Variants in RGSL1 observed in about 807,000 individuals in gnomAD.
The protein encoded by RGSL1 is regulator of G protein signaling protein-like.
In RGSL1, 97 loss-of-function variants were observed where a neutral mutation model predicts 124.7. The observed-to-expected ratio is 0.78, with a 90% confidence interval of 0.66 to 0.92. The LOEUF is 0.92. Ranked by LOEUF, RGSL1 falls within the 40% of genes least tolerant of loss-of-function variation. RGSL1 has a pLI of 0.00. For synonymous variants in RGSL1, 424 were observed against 438.1 expected (o/e 0.97, Z 0.40); for missense variants, 1,233 against 1,288.4 (o/e 0.96, Z 0.66).
At chr1:182,535,371 G>A (rs1031950059) in intron 14 of RGSL1, among the ~76,000 whole-genome samples, 4 of 152,144 alleles carry the variant, frequency 2.6e-5, no homozygotes, top group African/African-American at 7.2e-5. Flanking sequence ...GCCAGAGTGT[G>A]TGTGTGTTTG....
intron 11 of RGSL1, among the ~76,000 whole-genome samples, chr1:182,529,631 A>G (rs550814133): frequency 1.3e-5 from 2 of 152,366 alleles, no homozygotes; most frequent in Non-Finnish European, 2.9e-5. Flanking sequence ...GTAAACCAAG[A>G]TAAGAAAATA....
chr1:182,488,839 A>T (rs1571553164), intron 7 of RGSL1, 141 bp from the exon 8 acceptor site: 1 of 635,796 alleles, frequency 1.6e-6, no homozygotes, highest in Non-Finnish European at 2.7e-6. Flanking sequence ...CATGTAAAGG[A>T]GCAATGGTTC....
At chr1:182,452,580 G>A (rs1651937823) in intron 1 of RGSL1, among the ~76,000 whole-genome samples, 1 of 151,650 alleles carries the variant, frequency 6.6e-6, no homozygotes, top group African/African-American at 2.4e-5. Context: ...AGCCTCCCAA[G>A]TAGTTGGGAT....
intron 4 of RGSL1, among the ~76,000 whole-genome samples, chr1:182,462,780 T>A (rs901301128): frequency 6.6e-6 from 1 of 152,176 alleles, no homozygotes; most frequent in African/African-American, 2.4e-5. Context: ...ATAAATCAAC[T>A]TAGAGTGTTA....
Position 182,453,867 on chromosome 1 carries a change from C to T in RGSL1, c.14-91C>T, listed in dbSNP as rs1012060122. ...CTGTCATCATGCTGAGATTTGGCAA[C>T]GTGAAATGATCCATTCGATTGCTTC... On this transcript the variant is annotated intron_variant, in intron 1 of 21. Coordinates refer to ENST00000294854, the MANE Select transcript of RGSL1 (RefSeq NM_001137669.2). 4.2e-5 allele frequency: 30 copies of T among 709,446 alleles called. No homozygotes were observed. The South Asian group carries it at 4.5e-4, about 11-fold the overall frequency. The allele number at this position is 709,446 out of a possible 1,614,324, so 43.9% of individuals were successfully genotyped here.
intron 17 of RGSL1, 43 bp from the exon 18 acceptor site, chr1:182,551,057 A>G: frequency 1.4e-6 from 2 of 1,393,284 alleles, no homozygotes; most frequent in South Asian, 1.2e-5. Flanking sequence ...AGCCCCCTCC[A>G]CTGGGGGTTC....
chr1:182,555,339 A>G (rs1404787233), intron 20 of RGSL1: 1 of 154,890 alleles, frequency 6.5e-6, no homozygotes, highest in Non-Finnish European at 1.4e-5. Flanking sequence ...ACTGTTTAGT[A>G]TTACATTGTG....
At chr1:182,488,404 A>T in intron 7 of RGSL1, 57 bp downstream of exon 7, 1 of 1,430,070 alleles carries the variant, frequency 7.0e-7, no homozygotes, top group Non-Finnish European at 9.7e-7. Context: ...AAGAAAGAGT[A>T]ATTACTGTTT....
At chr1:182,510,508 C>T (rs1479027909) in intron 9 of RGSL1, among the ~76,000 whole-genome samples, 1 of 56,136 alleles carries the variant, frequency 1.8e-5, no homozygotes, top group Non-Finnish European at 4.0e-5. Context: ...GAAACCCCGT[C>T]TCCACCAAAA....
Position 182,526,373 on chromosome 1 carries a change from A to T in RGSL1, c.1932-1206A>T, listed in dbSNP as rs898592640. ...TAGCAAATCAAATCCAGCAATATAT[A>T]AAAAAGATCAGTGGCCAGGCATGGT... On this transcript the variant is annotated intron_variant, in intron 10 of 21. Coordinates refer to ENST00000294854, the MANE Select transcript of RGSL1 (RefSeq NM_001137669.2). Among the ~76,000 whole-genome samples, 10 of 152,312 alleles carry T rather than the reference A, an allele frequency of 6.6e-5. No individual in the cohort carries two copies. The East Asian group carries it at 1.9e-3, about 29-fold the overall frequency.
chr1:182,459,584 C>A (rs958761616), intron 3 of RGSL1, among the ~76,000 whole-genome samples: 2 of 152,122 alleles, frequency 1.3e-5, no homozygotes, highest in Admixed American at 1.3e-4. Flanking sequence ...ACATATAGTG[C>A]AATTGATAGG....
chr1:182,543,657 C>A (rs1017811288), intron 15 of RGSL1, among the ~76,000 whole-genome samples: 7 of 152,068 alleles, frequency 4.6e-5, no homozygotes, highest in African/African-American at 1.7e-4. Context: ...AGAATTAATG[C>A]CATCAGGTCC....
In RGSL1 at chr1:182,527,732, A is replaced by G; in HGVS notation, c.2085A>G (p.Glu695=). ...AAAAGATTTGCAAGTCTCTCATAGA[A>G]AATGTAATCAAGACTTTCTTCCAAG... ...TNEKICKSLI[E]NVIKTFFQGQ... is the part of the protein sequence containing the mutation. Residue 695 remains glutamate (E), a synonymous_variant, in exon 11 of 22, where the codon GAA becomes GAG. Coordinates refer to ENST00000294854, the MANE Select transcript of RGSL1 (RefSeq NM_001137669.2). 1.3e-6 allele frequency: 2 copies of G among 1,551,088 alleles called. No individual in the cohort carries two copies. The highest frequency in any genetic ancestry group is 1.7e-6 in the Non-Finnish European group (2 of 1,146,688).
At chr1:182,529,164 T>G (rs1209968041) in intron 11 of RGSL1, among the ~76,000 whole-genome samples, 1 of 152,226 alleles carries the variant, frequency 6.6e-6, no homozygotes, top group African/African-American at 2.4e-5. Context: ...CTTTCACATG[T>G]ATCCTTTCAT....
intron 6 of RGSL1, 61 bp downstream of exon 6, chr1:182,474,603 A>G: frequency 6.8e-7 from 1 of 1,472,422 alleles, no homozygotes; most frequent in Non-Finnish European, 9.0e-7. Flanking sequence ...CTGACTAAAA[A>G]TCCCATCTGG....
rs537026405 is a variant in RGSL1 at position 182,473,626 on chromosome 1, G to A, written c.515G>A (p.Arg172Lys). Reference sequence around the variant, plus strand: ...CATCCCAACCAATCAACCACTAGGAGGGAGATCCTGAGCCACATGCAGAAA... The same window carrying A: ...CATCCCAACCAATCAACCACTAGGAAGGAGATCCTGAGCCACATGCAGAAA... ...IWHPNQSTTR[R>K]EILSHMQKVA... is the part of the protein sequence containing the mutation. The change falls in exon 6 of 22, where the codon AGG becomes AAG. Residue 172 changes from arginine (R) to lysine (K), a missense_variant. Physicochemically the swap from Arg to Lys is conservative, Grantham distance 26 (BLOSUM62 2). Transcript: ENST00000294854. 1.9e-5 allele frequency: 29 copies of A among 1,551,230 alleles called. No homozygotes were observed. In the African/African-American group the frequency reaches 3.8e-4, roughly 20 times the overall value.
In RGSL1 at chr1:182,518,767, C is replaced by T. The variant is rs77632289; in HGVS notation, c.1826-3237C>T. Among the ~76,000 whole-genome samples the T allele has an allele frequency of 6.1e-3, 930 of 152,206 alleles. 15 individuals carry two copies. The highest frequency in any genetic ancestry group is 0.022 in the African/African-American group (900 of 41,530). ...AAATCCAATTATCTTACCATCTGCTCAGAGTTTTTTCACTTCTCTGCATCT... is the reference window on the plus strand; with the variant it reads ...AAATCCAATTATCTTACCATCTGCTTAGAGTTTTTTCACTTCTCTGCATCT... On this transcript the variant is annotated intron_variant, in intron 9 of 21. Transcript: ENST00000294854.
intron 2 of RGSL1, among the ~76,000 whole-genome samples, chr1:182,456,521 C>T (rs1652337016): frequency 1.3e-5 from 2 of 152,212 alleles, no homozygotes; most frequent in Non-Finnish European, 2.9e-5. Context: ...TGATCTCAAA[C>T]TCCAGACCTC....
intron 9 of RGSL1, among the ~76,000 whole-genome samples, chr1:182,507,005 T>G (rs1363462748): frequency 1.5e-5 from 1 of 67,708 alleles, no homozygotes; most frequent in Admixed American, 1.4e-4. Context: ...TTTTTTTTTT[T>G]TGTGACAGAG....
Sources: allele counts gnomAD v4.1 joint callset (sites outside exome capture counted in the v4.1 genomes callset), GRCh38; gene constraint gnomAD v4.1.1; transcripts MANE v1.5; gene names NCBI Gene and HGNC (gene_info 2026-07-23, HGNC 2026-07-21).